The following PIGK variants were observed in gnomAD, a reference collection of about 807,000 sequenced individuals.
PIGK encodes the protein phosphatidylinositol glycan anchor biosynthesis class K, also known as GPI-anchor transamidase.
In PIGK, 42 loss-of-function variants were observed where a neutral mutation model predicts 50.6. That is an observed-to-expected ratio of 0.83 (90% CI 0.65 to 1.07). PIGK has a LOEUF of 1.07. PIGK is among the 50% of genes least tolerant of loss of function. The pLI is 0.00. For missense variants in PIGK, 448 were observed against 488.7 expected (o/e 0.92, Z 0.78); for synonymous variants, 151 against 156.0 (o/e 0.97, Z 0.24).
chr1:77,191,359 T>C (rs998748131), intron 3 of PIGK, among the ~76,000 whole-genome samples: 1 of 152,180 alleles, frequency 6.6e-6, no homozygotes, highest in Admixed American at 6.5e-5. Flanking sequence ...AAATTTTACT[T>C]TTGTTATTTT....
chr1:77,140,120 ATGGAAGG>A (rs1406432429), intron 9 of PIGK, among the ~76,000 whole-genome samples: 1 of 152,114 alleles, frequency 6.6e-6, no homozygotes. Flanking sequence ...GTGGTGCCTG[ATGGAAGG>A]TGTTTGGGTC....
At chr1:77,204,518 C>G (rs1656245565) in intron 3 of PIGK, among the ~76,000 whole-genome samples, 1 of 152,108 alleles carries the variant, frequency 6.6e-6, no homozygotes, top group Admixed American at 6.6e-5. Context: ...TGACCCACAC[C>G]CTATTCGTAC....
chr1:77,097,174 G>A (rs1043481246), intron 10 of PIGK, among the ~76,000 whole-genome samples: 1 of 152,124 alleles, frequency 6.6e-6, no homozygotes, highest in Non-Finnish European at 1.5e-5. Context: ...AGAACAGCAT[G>A]ACGGGCAGCA....
chr1:77,182,505 AATCTATCT>A (rs59731037), intron 3 of PIGK, among the ~76,000 whole-genome samples: 2 of 150,220 alleles, frequency 1.3e-5, no homozygotes, highest in African/African-American at 4.9e-5. Flanking sequence ...ACCCAGGATC[AATCTATCT>A]ATCTATCTAT....
intron 3 of PIGK, among the ~76,000 whole-genome samples, chr1:77,181,703 T>G (rs1217439833): frequency 6.6e-6 from 1 of 152,184 alleles, no homozygotes; most frequent in African/African-American, 2.4e-5. Flanking sequence ...GGTTTCTGCC[T>G]CATAGGTGTT....
chr1:77,190,946 C>T (rs1057216129), intron 3 of PIGK, among the ~76,000 whole-genome samples: 6 of 152,318 alleles, frequency 3.9e-5, no homozygotes, highest in African/African-American at 1.4e-4. Flanking sequence ...GGAGAGGGGG[C>T]AAACAGCACA....
At chr1:77,143,146 G>A (rs935445489) in intron 9 of PIGK, among the ~76,000 whole-genome samples, 5 of 151,904 alleles carry the variant, frequency 3.3e-5, no homozygotes, top group Admixed American at 3.3e-4. Flanking sequence ...TTTTTAAAAT[G>A]GAATACACTT....
At chr1:77,109,824 CCT>C (rs1345559769) in intron 10 of PIGK, among the ~76,000 whole-genome samples, 1 of 152,060 alleles carries the variant, frequency 6.6e-6, no homozygotes, top group Non-Finnish European at 1.5e-5. Context: ...TCAAATTGTC[CCT>C]GTTTGCAGAT....
Position 77,089,066 on chromosome 1 carries a change from A to C in PIGK, c.*3308T>G, listed in dbSNP as rs1458915292. The C allele has an allele frequency of 6.6e-6, 1 of 152,238 alleles. No individual in the cohort carries two copies. 9.4% of individuals were successfully genotyped at this position (152,238 alleles called of 1,614,324 possible). Reference sequence around the variant, plus strand: ...TATAAATCCCCTTATTCTAGGATCTACACAGTTAAACCTAATATTTCACAG... The same window carrying C: ...TATAAATCCCCTTATTCTAGGATCTCCACAGTTAAACCTAATATTTCACAG... On this transcript the variant is annotated 3_prime_UTR_variant, in exon 11 of 11. Coordinates refer to ENST00000370812, the MANE Select transcript of PIGK (RefSeq NM_005482.3).
chr1:77,182,956 T>TA (rs902824440), intron 3 of PIGK, among the ~76,000 whole-genome samples: 2 of 152,216 alleles, frequency 1.3e-5, no homozygotes, highest in South Asian at 2.1e-4. Flanking sequence ...GACAAAGTGA[T>TA]AAAAAAATGA....
chr1:77,111,431 A>G (rs1445346556), intron 10 of PIGK, among the ~76,000 whole-genome samples: 1 of 152,196 alleles, frequency 6.6e-6, no homozygotes, highest in East Asian at 1.9e-4. Context: ...GCAGCCATAA[A>G]AAATGATGAA....
intron 3 of PIGK, among the ~76,000 whole-genome samples, chr1:77,202,006 C>A (rs914178967): frequency 1.3e-5 from 2 of 150,920 alleles, no homozygotes; most frequent in Non-Finnish European, 2.9e-5. Flanking sequence ...TGCAGTGAGC[C>A]GTGTTTGTGT....
At chr1:77,104,653 A>G (rs1382286311) in intron 10 of PIGK, among the ~76,000 whole-genome samples, 1 of 152,202 alleles carries the variant, frequency 6.6e-6, no homozygotes, top group Non-Finnish European at 1.5e-5. Context: ...TCTAAAACCA[A>G]TAATGACACA....
intron 10 of PIGK, among the ~76,000 whole-genome samples, chr1:77,110,368 G>A (rs1475768398): frequency 2.6e-5 from 4 of 152,036 alleles, no homozygotes; most frequent in Non-Finnish European, 5.9e-5. Flanking sequence ...TATACTACAA[G>A]GCTACAGTAA....
At chr1:77,201,843 G>C (rs1656174262) in intron 3 of PIGK, among the ~76,000 whole-genome samples, 1 of 152,240 alleles carries the variant, frequency 6.6e-6, no homozygotes, top group East Asian at 1.9e-4. Context: ...GATCACTTGA[G>C]CTCAGGAGTT....
At chr1:77,111,531 C>T (rs975921125) in intron 10 of PIGK, among the ~76,000 whole-genome samples, 1 of 150,384 alleles carries the variant, frequency 6.6e-6, no homozygotes, top group Non-Finnish European at 1.5e-5. Flanking sequence ...ACCACATGTT[C>T]TCACTCATAG....
chr1:77,103,633 T>C (rs1557792177), intron 10 of PIGK, among the ~76,000 whole-genome samples: 1 of 152,164 alleles, frequency 6.6e-6, no homozygotes, highest in Non-Finnish European at 1.5e-5. Flanking sequence ...GTTTCCAAAT[T>C]ACAGCACAAG....
Position 77,205,677 on chromosome 1 carries a change from C to T in PIGK, c.239+963G>A, listed in dbSNP as rs540582867. Among the ~76,000 whole-genome samples, 49 of 152,204 alleles carry T rather than the reference C, an allele frequency of 3.2e-4. 1 individual carries two copies. Among genetic ancestry groups the T allele is most frequent in the African/African-American group, 1.2e-3 (48 of 41,526 alleles). ...AGCCAGATTTCAAAGTCATATCTAACTACAAGGCTCTTTCCACACTGACTC... is the reference window on the plus strand; with the variant it reads ...AGCCAGATTTCAAAGTCATATCTAATTACAAGGCTCTTTCCACACTGACTC... On this transcript the variant is annotated intron_variant, in intron 3 of 10. Transcript: ENST00000370812.
chr1:77,195,491 A>C, intron 3 of PIGK: 1 of 680,568 alleles, frequency 1.5e-6, no homozygotes, highest in Non-Finnish European at 2.3e-6. Flanking sequence ...AATGACTATT[A>C]AAATGGCACA....
Sources: gnomAD v4.1 joint callset for allele counts (sites outside exome capture counted in the v4.1 genomes callset) on GRCh38, gnomAD v4.1.1 for gene constraint, MANE v1.5 for transcripts, NCBI Gene and HGNC (gene_info 2026-07-23, HGNC 2026-07-21) for gene names.